The following DOCK2 variants were observed in gnomAD, a reference collection of about 807,000 sequenced individuals.
The protein encoded by DOCK2 is dedicator of cytokinesis 2, also known as dedicator of cytokinesis protein 2.
In DOCK2, 87 loss-of-function variants were observed where a neutral mutation model predicts 248.9. That is an observed-to-expected ratio of 0.35 (90% CI 0.29 to 0.42). The LOEUF (loss-of-function observed/expected upper bound fraction) is 0.42. Among genes scored for constraint, DOCK2 ranks in the 10% least tolerant of loss-of-function variants. The pLI is 1.00. For missense variants in DOCK2, 1,747 were observed against 2,300.2 expected (o/e 0.76, Z 4.92); for synonymous variants, 805 against 821.6 (o/e 0.98, Z 0.35).
At chr5:170,008,647 T>C in intron 31 of DOCK2, 41 bp from the exon 32 acceptor site, 1 of 1,614,074 alleles carries the variant, frequency 6.2e-7, no homozygotes, top group Non-Finnish European at 8.5e-7. Context: ...CATGAGATCC[T>C]CTGAGATGGT....
intron 27 of DOCK2, among the ~76,000 whole-genome samples, chr5:169,902,573 T>A (rs990777700): frequency 5.3e-5 from 8 of 152,058 alleles, no homozygotes; most frequent in Non-Finnish European, 7.4e-5. Context: ...ATACTGAGGG[T>A]CAGCTGTTTT....
chr5:170,005,719 G>A lies in DOCK2; in HGVS notation c.3073-2778G>A, dbSNP rs145568531. 3.8e-4 allele frequency among the ~76,000 whole-genome samples: 58 copies of A among 151,702 alleles called. 1 individual carries two copies. Among genetic ancestry groups the A allele is most frequent in the African/African-American group, 1.4e-3 (58 of 41,318 alleles). On this transcript the variant is annotated intron_variant, in intron 30 of 51. Transcript: ENST00000520908. ...CATACACTTAAAAAGTGAATTTTATGGTATATAAATTATATCTCAGATTTT... is the reference window on the plus strand; with the variant it reads ...CATACACTTAAAAAGTGAATTTTATAGTATATAAATTATATCTCAGATTTT...
At chr5:169,798,218 C>T (rs1031998766) in intron 25 of DOCK2, among the ~76,000 whole-genome samples, 11 of 152,190 alleles carry the variant, frequency 7.2e-5, no homozygotes, top group Admixed American at 3.9e-4. Context: ...GCAACTTCCT[C>T]GGAACCTATG....
intron 46 of DOCK2, among the ~76,000 whole-genome samples, chr5:170,070,453 TC>T (rs551266048): frequency 1.3e-5 from 2 of 152,362 alleles, no homozygotes; most frequent in East Asian, 3.9e-4. Flanking sequence ...GACGCGCTTT[TC>T]CCGAATGCAT....
At chr5:170,018,424 G>A (rs1285677706) in intron 32 of DOCK2, among the ~76,000 whole-genome samples, 1 of 152,174 alleles carries the variant, frequency 6.6e-6, no homozygotes, top group Non-Finnish European at 1.5e-5. Flanking sequence ...TTGAAATGAG[G>A]CAGAAGAGAC....
In DOCK2 at chr5:169,647,611, T is replaced by C. The variant is rs10060185; in HGVS notation, c.44-6792T>C. On this transcript the variant is annotated intron_variant, in intron 1 of 51. Coordinates refer to ENST00000520908, the MANE Select transcript of DOCK2 (RefSeq NM_004946.3). ...CTCTACCAAGCTCACCAGTTCTCCC[T>C]GGGACTCCATTAAGATGGCCCTGCC... is the stretch of plus-strand genomic sequence containing the variant. Among the ~76,000 whole-genome samples, 1,346 of 152,204 alleles carry C rather than the reference T, an allele frequency of 8.8e-3. 29 individuals carry two copies. The highest frequency in any genetic ancestry group is 0.031 in the African/African-American group (1,288 of 41,512).
intron 27 of DOCK2, among the ~76,000 whole-genome samples, chr5:169,971,904 C>T (rs948494893): frequency 6.6e-6 from 1 of 152,170 alleles, no homozygotes; most frequent in African/African-American, 2.4e-5. Flanking sequence ...CCACTTTCCT[C>T]ATCCTGTTCC....
At chr5:170,068,757 C>T (rs944235492) in intron 45 of DOCK2, among the ~76,000 whole-genome samples, 2 of 152,200 alleles carry the variant, frequency 1.3e-5, no homozygotes, top group African/African-American at 4.8e-5. Flanking sequence ...TTGAAAGGAG[C>T]ATCAGAATCC....
chr5:169,847,195 C>G (rs1480840339), intron 27 of DOCK2, among the ~76,000 whole-genome samples: 2 of 152,182 alleles, frequency 1.3e-5, no homozygotes. Flanking sequence ...ACTTCTTTCC[C>G]TTTGGGTAGA....
chr5:169,960,666 G>A (rs529285788), intron 27 of DOCK2, among the ~76,000 whole-genome samples: 38 of 152,212 alleles, frequency 2.5e-4, no homozygotes, highest in Admixed American at 5.9e-4. Context: ...GGTAATATTC[G>A]GGTCTCTATA....
Position 169,759,723 on chromosome 5 carries a change from A to G in DOCK2, c.2395A>G (p.Ile799Val). ...CACCTAGGTGGCGGCTTTGAAATAC[A>G]TCCCATCTGTCCTGCATGATGTAGA... ...ILLQVAALKY[I>V]PSVLHDVEMV... Residue 799 changes from isoleucine (I) to valine (V), a missense_variant, in exon 24 of 52, where the codon ATC becomes GTC. Physicochemically the swap from Ile to Val is conservative, Grantham distance 29. Around this residue, in one of 4 missense-constraint regions of DOCK2, gnomAD observed 858 missense variants for 1,183.5 expected, o/e 0.72. Coordinates refer to ENST00000520908, the MANE Select transcript of DOCK2 (RefSeq NM_004946.3). The G allele has an allele frequency of 3.7e-6, 6 of 1,614,094 alleles. No individual in the cohort carries two copies. Among genetic ancestry groups the G allele is most frequent in the Non-Finnish European group, 5.1e-6 (6 of 1,179,928 alleles).
intron 21 of DOCK2, 130 bp from the exon 22 acceptor site, chr5:169,718,527 C>G: frequency 1.1e-6 from 1 of 918,864 alleles, no homozygotes; most frequent in East Asian, 2.9e-5. Flanking sequence ...TATCTTTATG[C>G]TTACAAATGA....
chr5:169,747,380 A>T lies in DOCK2; in HGVS notation c.2268-16A>T, dbSNP rs1480698656. The stretch of plus-strand genomic sequence containing the variant: ...TCTGTTAGCTTGAGAAATGACCCAG[A>T]TGTATCTTGTTTCAGGCTTTATGAA... On this transcript the variant is annotated splice_polypyrimidine_tract_variant and intron_variant, in intron 22 of 51. Transcript: ENST00000520908. The T allele has an allele frequency of 6.2e-7, 1 of 1,606,492 alleles. No individual in the cohort carries two copies. Among genetic ancestry groups the T allele is most frequent in the Non-Finnish European group, 8.5e-7 (1 of 1,176,118 alleles).
intron 6 of DOCK2, among the ~76,000 whole-genome samples, chr5:169,678,766 G>A (rs1300021935): frequency 6.6e-6 from 1 of 151,714 alleles, no homozygotes; most frequent in Non-Finnish European, 1.5e-5. Context: ...AATAAGGGAG[G>A]CAGAGAAGTA....
intron 27 of DOCK2, among the ~76,000 whole-genome samples, chr5:169,920,583 G>T (rs575661606): frequency 6.6e-6 from 1 of 152,178 alleles, no homozygotes; most frequent in Non-Finnish European, 1.5e-5. Context: ...TAACTGATGG[G>T]TTTGGAAAGA....
intron 14 of DOCK2, among the ~76,000 whole-genome samples, chr5:169,703,673 G>A (rs556086969): frequency 1.3e-5 from 2 of 152,278 alleles, no homozygotes; most frequent in Admixed American, 1.3e-4. Context: ...ATGTTAATTA[G>A]TATCTATTTG....
chr5:170,022,991 C>T (rs1362137450), intron 33 of DOCK2, among the ~76,000 whole-genome samples: 4 of 152,138 alleles, frequency 2.6e-5, no homozygotes, highest in Non-Finnish European at 5.9e-5. Context: ...CTTGAGTAAT[C>T]CCCTTGCCCC....
intron 26 of DOCK2, among the ~76,000 whole-genome samples, chr5:169,819,042 A>G (rs554101905): frequency 6.6e-6 from 1 of 152,318 alleles, no homozygotes; most frequent in African/African-American, 2.4e-5. Context: ...TATTAGTAGA[A>G]ATGCCTTCGC....
At chr5:169,827,098 C>A (rs1355859806) in intron 26 of DOCK2, among the ~76,000 whole-genome samples, 1 of 152,044 alleles carries the variant, frequency 6.6e-6, no homozygotes, top group Non-Finnish European at 1.5e-5. Flanking sequence ...TCACCAGAGA[C>A]TTAGAATTTG....
Sources: gnomAD v4.1 joint callset for allele counts (sites outside exome capture counted in the v4.1 genomes callset) on GRCh38, gnomAD v4.1.1 for gene constraint, gnomAD v4.1.1 regional missense constraint, MANE v1.5 for transcripts, NCBI Gene and HGNC (gene_info 2026-07-23, HGNC 2026-07-21) for gene names.